RPS6KA1: variants seen among roughly 807,000 people sequenced by gnomAD.
RPS6KA1 encodes ribosomal protein S6 kinase alpha-1.
In RPS6KA1, 48 loss-of-function variants were observed where a neutral mutation model predicts 91.3. The ratio of observed to expected loss-of-function variants is 0.53; its 90% CI spans 0.42 to 0.67. The LOEUF (loss-of-function observed/expected upper bound fraction) is 0.67. RPS6KA1 is among the 30% of genes least tolerant of loss of function. The pLI, the probability that RPS6KA1 is intolerant of heterozygous loss-of-function variation, is 0.00. For missense variants in RPS6KA1, 719 were observed against 960.5 expected (o/e 0.75, Z 3.32); for synonymous variants, 359 against 384.7 (o/e 0.93, Z 0.78).
intron 2 of RPS6KA1, among the ~76,000 whole-genome samples, chr1:26,543,450 A>G (rs943199465): frequency 1.3e-5 from 2 of 152,138 alleles, no homozygotes; most frequent in Non-Finnish European, 2.9e-5. Context: ...TCTTTGAGCC[A>G]GGCTTTCTGC....
Position 26,546,018 on chromosome 1 carries a change from G to A in RPS6KA1, c.109-849G>A, listed in dbSNP as rs762876090. 1.4e-5 allele frequency: 23 copies of A among 1,611,468 alleles called. No homozygotes were observed. The highest frequency in any genetic ancestry group is 1.8e-5 in the Non-Finnish European group (21 of 1,179,310). On this transcript the variant is annotated intron_variant, in intron 2 of 21. Transcript: ENST00000374168. ...TCTGCCTGTCCCTGGCCCTGGCTCT[G>A]GCCCCCAGCGGGACTCGGTGAGTGT...
At chr1:26,564,156 A>G (rs1441544552) in intron 17 of RPS6KA1, among the ~76,000 whole-genome samples, 4 of 152,282 alleles carry the variant, frequency 2.6e-5, no homozygotes, top group African/African-American at 7.2e-5. Context: ...AAGAAGGCCA[A>G]CGTCATCCAA....
chr1:26,552,846 T>C (rs1277191656), intron 6 of RPS6KA1: 2 of 422,558 alleles, frequency 4.7e-6, no homozygotes, highest in African/African-American at 4.1e-5. Context: ...AAGAAAAATA[T>C]TCATGAAGAA....
intron 2 of RPS6KA1, chr1:26,545,898 C>T (rs775745731): frequency 1.5e-5 from 24 of 1,569,314 alleles, no homozygotes; most frequent in Middle Eastern, 2.1e-4. Context: ...CCCTGCTGGG[C>T]GGATGGAGCA....
intron 4 of RPS6KA1, among the ~76,000 whole-genome samples, chr1:26,549,753 G>T (rs1352444843): frequency 7.0e-6 from 1 of 142,618 alleles, no homozygotes; most frequent in Non-Finnish European, 1.5e-5. Flanking sequence ...TCAGACTGGA[G>T]GGCAGTGGTG....
intron 20 of RPS6KA1, 71 bp downstream of exon 20, chr1:26,572,364 A>G (rs2076256776): frequency 7.0e-6 from 7 of 1,001,574 alleles, no homozygotes; most frequent in Admixed American, 5.2e-5. Flanking sequence ...GCTTTTCAGC[A>G]GTTCATGAAC....
In RPS6KA1 at chr1:26,547,148, C is replaced by G; in HGVS notation, c.226-41C>G. On this transcript the variant is annotated intron_variant, in intron 3 of 21. Transcript: ENST00000374168. The surrounding 1 kb of genome is among the most constrained non-coding windows in gnomAD (Gnocchi z 4.1). ...GATAGAGGTCAGCCTGGACTCAGAC[C>G]TCTCCCATCTTCTGCCCTGCTTCCT... 6.2e-7 allele frequency: 1 copy of G among 1,603,760 alleles called. No individual in the cohort carries two copies. Among genetic ancestry groups the G allele is most frequent in the Non-Finnish European group, 8.5e-7 (1 of 1,170,840 alleles).
chr1:26,547,050 C>T lies in RPS6KA1; in HGVS notation c.225+67C>T, dbSNP rs906912983. 1 of 1,533,226 alleles carries T rather than the reference C, an allele frequency of 6.5e-7. No homozygotes were observed. The highest frequency in any genetic ancestry group is 1.4e-5 in the African/African-American group (1 of 73,322). 95.0% of individuals were successfully genotyped at this position (1,533,226 alleles called of 1,614,324 possible). On this transcript the variant is annotated intron_variant, in intron 3 of 21. Coordinates refer to ENST00000374168, the MANE Select transcript of RPS6KA1 (RefSeq NM_002953.4). The surrounding 1 kb of genome is among the most constrained non-coding windows in gnomAD (Gnocchi z 4.1). ...GTTAGAGGTGGGGGTCAAGGGTCAC[C>T]TAGGGGCCCAAAGGATCAGAGGTCA...
chr1:26,571,908 G>C lies in RPS6KA1; in HGVS notation c.1812G>C (p.Leu604=). 1.9e-6 allele frequency: 3 copies of C among 1,611,812 alleles called. No homozygotes were observed. The highest frequency in any genetic ancestry group is 2.2e-5 in the South Asian group (2 of 91,078). Residue 604 remains leucine (L), a synonymous_variant, in exon 19 of 22, where the codon CTG becomes CTC. Coordinates refer to ENST00000374168, the MANE Select transcript of RPS6KA1 (RefSeq NM_002953.4). The surrounding 1 kb of genome is among the most constrained non-coding windows in gnomAD (Gnocchi z 5.1). ...GCDIWSLGIL[L]YTMLAGYTPF... is the part of the protein sequence containing the mutation. Reference sequence around the variant, plus strand: ...ACATCTGGAGCCTGGGCATTCTGCTGTACACCATGCTGGCAGGGTGAGTGC... The same window carrying C: ...ACATCTGGAGCCTGGGCATTCTGCTCTACACCATGCTGGCAGGGTGAGTGC...
rs376383316 is a variant in RPS6KA1, at chr1:26,553,402, G to T, written c.480G>T (p.Thr160=). ...CCTGTCTTTTGCAGGTGATGTTCAC[G>T]GAGGAGGATGTGAAGTTTTACCTGG... ...FTRLSKEVMF[T]EEDVKFYLAE... Residue 160 remains threonine, a synonymous_variant, in exon 7 of 22, where the codon ACG becomes ACT. Coordinates refer to ENST00000374168, the MANE Select transcript of RPS6KA1 (RefSeq NM_002953.4). 5.3e-5 allele frequency: 86 copies of T among 1,611,134 alleles called. No homozygotes were observed. The East Asian group carries it at 1.5e-3, about 28-fold the overall frequency.
chr1:26,556,819 C>T lies in RPS6KA1; in HGVS notation c.981+101C>T, dbSNP rs555349035. The T allele has an allele frequency of 7.0e-5, 100 of 1,423,068 alleles. No individual in the cohort carries two copies. In the East Asian group the frequency reaches 2.0e-3, roughly 29 times the overall value. 88.2% of individuals were successfully genotyped at this position (1,423,068 alleles called of 1,614,324 possible). On this transcript the variant is annotated intron_variant, in intron 12 of 21. Transcript: ENST00000374168. ...AGCCTCTGCCAGCGAGGGCCCCAGA[C>T]GCAGGAGCAGAGGGTCACAGCCTGC... is the stretch of plus-strand genomic sequence containing the variant.
rs149327018 is a variant in RPS6KA1, at chr1:26,542,989, G to A, written c.109-3878G>A. 202 of 648,348 alleles carry A rather than the reference G, an allele frequency of 3.1e-4. 1 individual carries two copies. The African/African-American group carries it at 3.3e-3, about 10-fold the overall frequency. 40.2% of individuals were successfully genotyped at this position (648,348 alleles called of 1,614,324 possible). On this transcript the variant is annotated intron_variant, in intron 2 of 21. Coordinates refer to ENST00000374168, the MANE Select transcript of RPS6KA1 (RefSeq NM_002953.4). ...CCCTGGGGTCATGGGCTTGGGGTCT[G>A]CAGTGTCCCCTCCTCTATAGAGGAG...
intron 17 of RPS6KA1, among the ~76,000 whole-genome samples, chr1:26,567,302 C>T (rs141145361): frequency 1.3e-3 from 203 of 152,232 alleles, no homozygotes; most frequent in African/African-American, 4.7e-3. Context: ...CTGAGATTTA[C>T]AGGTGTGAGC....
At chr1:26,537,960 C>T (rs760833242) in intron 2 of RPS6KA1, among the ~76,000 whole-genome samples, 2 of 152,246 alleles carry the variant, frequency 1.3e-5, no homozygotes, top group Non-Finnish European at 2.9e-5. Context: ...AGCTCAGCTT[C>T]CTGCCAGTGA....
chr1:26,554,133 C>A lies in RPS6KA1; in HGVS notation c.576-81C>A. 2 of 1,462,862 alleles carry A rather than the reference C, an allele frequency of 1.4e-6. No homozygotes were observed. Among genetic ancestry groups the A allele is most frequent in the Non-Finnish European group, 1.9e-6 (2 of 1,075,964 alleles). 90.6% of individuals were successfully genotyped at this position (1,462,862 alleles called of 1,614,324 possible). A position where few individuals can be genotyped will look rare whatever the true frequency, so the allele number is the denominator to read the frequency against. On this transcript the variant is annotated intron_variant, in intron 7 of 21. Transcript: ENST00000374168. This position sits in a 1 kb window ranked among gnomAD's most constrained non-coding sequence, Gnocchi z 4.6. ...GTGGAGCACCTCCTCTGGGCTGAAC[C>A]CAACTCCCACAGCCCTGTGGTAACA...
chr1:26,570,822 T>C (rs2076242575), intron 17 of RPS6KA1, among the ~76,000 whole-genome samples: 1 of 152,134 alleles, frequency 6.6e-6, no homozygotes, highest in Non-Finnish European at 1.5e-5. Flanking sequence ...TTCTTTGATT[T>C]TAAAGATAAG....
intron 17 of RPS6KA1, among the ~76,000 whole-genome samples, chr1:26,562,965 T>A (rs1278999907): frequency 6.7e-6 from 1 of 150,350 alleles, no homozygotes. Context: ...GCCTCCCAAG[T>A]AGCTGGGATT....
In RPS6KA1 at chr1:26,561,588, G is replaced by T. The variant is rs1044521627; in HGVS notation, c.1515G>T (p.Lys505Asn). The T allele has an allele frequency of 1.9e-5, 31 of 1,614,050 alleles. No individual in the cohort carries two copies. The highest frequency in any genetic ancestry group is 2.6e-5 in the Non-Finnish European group (31 of 1,180,014). ...GELLDKILRQ[K>N]FFSEREASFV... The stretch of plus-strand genomic sequence containing the variant: ...TGCTGGACAAGATCCTGCGGCAGAA[G>T]TTCTTCTCAGAGCGGGAGGCCAGCT... The change falls in exon 17 of 22, where the codon AAG (lysine) becomes AAT (asparagine). Residue 505 changes from lysine (K) to asparagine (N), a missense_variant. Around this residue, in one of 5 missense-constraint regions of RPS6KA1, gnomAD observed 249 missense variants for 323.1 expected, o/e 0.77. Transcript: ENST00000374168. The surrounding 1 kb of genome is among the most constrained non-coding windows in gnomAD (Gnocchi z 5.7).
intron 1 of RPS6KA1, among the ~76,000 whole-genome samples, chr1:26,531,645 G>A (rs946972131): frequency 4.6e-5 from 7 of 152,176 alleles, no homozygotes; most frequent in Admixed American, 3.3e-4. Context: ...GAAGACCAGC[G>A]GACTTCCTGG....
Sources: allele counts gnomAD v4.1 joint callset (sites outside exome capture counted in the v4.1 genomes callset), GRCh38; gene constraint gnomAD v4.1.1; regional missense constraint gnomAD v4.1.1; non-coding constraint Gnocchi (gnomAD v3.1); transcripts MANE v1.5; gene names NCBI Gene and HGNC (gene_info 2026-07-23, HGNC 2026-07-21).